Variants in NFIB observed in about 807,000 individuals in gnomAD.
The protein encoded by NFIB is nuclear factor I B, also known as nuclear factor 1 B-type.
A neutral mutation model predicts 61.5 loss-of-function variants in NFIB; 11 were observed. The ratio of observed to expected loss-of-function variants is 0.18; its 90% CI spans 0.11 to 0.30. The LOEUF (loss-of-function observed/expected upper bound fraction) is 0.30. NFIB is among the 10% of genes least tolerant of loss of function. The pLI is 1.00. For missense variants in NFIB, 471 were observed against 608.9 expected (o/e 0.77, Z 2.38); for synonymous variants, 260 against 216.5 (o/e 1.20, Z -1.76).
chr9:14,238,238 G>C (rs1563933203), intron 2 of NFIB, among the ~76,000 whole-genome samples: 1 of 152,194 alleles, frequency 6.6e-6, no homozygotes, highest in Admixed American at 6.5e-5. Flanking sequence ...GTACTGGAGG[G>C]ATGGTAGTAT....
At chr9:14,501,133 G>T in the NFIB span, among the ~76,000 whole-genome samples, 1 of 152,182 alleles carries the variant, frequency 6.6e-6, no homozygotes, top group Non-Finnish European at 1.5e-5. Context: ...TTGATGAGTG[G>T]TGAGTGGGAA....
At chr9:14,523,134 T>C in the NFIB span, among the ~76,000 whole-genome samples, 1 of 151,986 alleles carries the variant, frequency 6.6e-6, no homozygotes, top group Non-Finnish European at 1.5e-5. Context: ...TCAAATTTAC[T>C]TCATGAGAGC....
At chr9:14,253,855 G>A (rs534425029) in intron 2 of NFIB, among the ~76,000 whole-genome samples, 14 of 151,740 alleles carry the variant, frequency 9.2e-5, no homozygotes, top group Non-Finnish European at 1.2e-4. Context: ...TTTTTTTCAC[G>A]TGGCCTCCAG....
At chr9:14,206,359 G>A (rs10810116) in intron 2 of NFIB, among the ~76,000 whole-genome samples, 66,192 of 151,404 alleles carry the variant, frequency 0.44, 16,618 homozygotes, top group African/African-American at 0.69. Flanking sequence ...GGTAGAGACA[G>A]GGTTTCACCA....
intron 2 of NFIB, among the ~76,000 whole-genome samples, chr9:14,278,605 AG>A (rs1261989336): frequency 6.6e-6 from 1 of 152,204 alleles, no homozygotes; most frequent in East Asian, 1.9e-4. Context: ...GAGGTTAGTG[AG>A]TAAAACATGA....
chr9:14,160,093 G>A (rs1488318251), intron 3 of NFIB, among the ~76,000 whole-genome samples: 2 of 152,130 alleles, frequency 1.3e-5, no homozygotes, highest in African/African-American at 4.8e-5. Context: ...TTTGTGTGAT[G>A]CTGTATTTAC....
intron 2 of NFIB, among the ~76,000 whole-genome samples, chr9:14,214,581 G>C (rs1259138119): frequency 2.0e-5 from 3 of 152,184 alleles, no homozygotes; most frequent in Admixed American, 6.5e-5. Flanking sequence ...CCTTCCTTCA[G>C]AGTAAAACAA....
chr9:14,409,162 A>G, the NFIB span, among the ~76,000 whole-genome samples: 1 of 152,216 alleles, frequency 6.6e-6, no homozygotes, highest in Non-Finnish European at 1.5e-5. Context: ...GAGAACATGA[A>G]TAATAATAAC....
chr9:14,500,333 G>C, the NFIB span, among the ~76,000 whole-genome samples: 15 of 152,106 alleles, frequency 9.9e-5, no homozygotes, highest in African/African-American at 3.6e-4. Context: ...TCCAGAAAGA[G>C]GCAAGAACAC....
chr9:14,219,964 G>C (rs749281216), intron 2 of NFIB, among the ~76,000 whole-genome samples: 2 of 152,122 alleles, frequency 1.3e-5, no homozygotes, highest in Non-Finnish European at 2.9e-5. Context: ...TGAGAGGATG[G>C]AACTACACCA....
At chr9:14,515,992 G>A in the NFIB span, among the ~76,000 whole-genome samples, 5 of 152,346 alleles carry the variant, frequency 3.3e-5, no homozygotes, top group Admixed American at 6.5e-5. Context: ...CCAGGGGAGC[G>A]GCTCCGCTTG....
intron 6 of NFIB, among the ~76,000 whole-genome samples, chr9:14,138,676 G>C (rs1336714015): frequency 6.6e-6 from 1 of 152,116 alleles, no homozygotes; most frequent in East Asian, 1.9e-4. Context: ...GACTGGCAAA[G>C]TGTTAATAAC....
At chr9:14,492,318 A>C in the NFIB span, among the ~76,000 whole-genome samples, 2 of 152,000 alleles carry the variant, frequency 1.3e-5, no homozygotes, top group South Asian at 2.1e-4. Context: ...AGCCGAGATC[A>C]CGCCACTGCA....
chr9:14,165,955 A>T (rs1193151041), intron 3 of NFIB, among the ~76,000 whole-genome samples: 2 of 152,218 alleles, frequency 1.3e-5, no homozygotes, highest in Admixed American at 6.5e-5. Flanking sequence ...TACATTTCAC[A>T]CTACTGTATT....
At chr9:14,526,171 A>G in the NFIB span, among the ~76,000 whole-genome samples, 1 of 152,156 alleles carries the variant, frequency 6.6e-6, no homozygotes, top group Non-Finnish European at 1.5e-5. Context: ...ACCTCAGAAA[A>G]TGAACATAGT....
the NFIB span, among the ~76,000 whole-genome samples, chr9:14,453,425 G>C: frequency 1.3e-5 from 2 of 152,136 alleles, no homozygotes; most frequent in African/African-American, 4.8e-5. Context: ...CATCCTAATA[G>C]GTTTTTAGCT....
intron 2 of NFIB, among the ~76,000 whole-genome samples, chr9:14,259,339 A>G (rs528047113): frequency 2.0e-5 from 3 of 152,270 alleles, no homozygotes; most frequent in Non-Finnish European, 2.9e-5. Flanking sequence ...AGCTACCTGT[A>G]AATTTAGAAA....
At chr9:14,278,318 G>T (rs1299635955) in intron 2 of NFIB, among the ~76,000 whole-genome samples, 1 of 152,234 alleles carries the variant, frequency 6.6e-6, no homozygotes, top group African/African-American at 2.4e-5. Flanking sequence ...ACCAAATGTT[G>T]ACAGTGGTCC....
chr9:14,386,620 CA>C (rs540520782), intron 1 of NFIB, among the ~76,000 whole-genome samples: 834 of 6,628 alleles, frequency 0.13, 2 homozygotes, highest in Non-Finnish European at 0.16. Context: ...GGGACAAAAT[CA>C]ATCAGTGTTA....
Sources: gnomAD v4.1 joint callset for allele counts (sites outside exome capture counted in the v4.1 genomes callset) on GRCh38, gnomAD v4.1.1 for gene constraint, MANE v1.5 for transcripts, NCBI Gene and HGNC (gene_info 2026-07-23, HGNC 2026-07-21) for gene names.